The following C11orf65 variants were observed in gnomAD, a reference collection of about 807,000 sequenced individuals.
The protein encoded by C11orf65 is protein MFI.
C11orf65 carries 38 observed loss-of-function variants against 35.3 expected under a neutral mutation model. That is an observed-to-expected ratio of 1.08 (90% confidence interval 0.83 to 1.41). The LOEUF is 1.41. Ranked by LOEUF, C11orf65 falls within the 40% of genes most tolerant of loss-of-function variation. C11orf65 has a pLI of 0.00. For missense variants in C11orf65, 370 were observed against 367.1 expected, an observed-to-expected ratio of 1.01 and a Z score of -0.06; for synonymous variants, 105 against 114.4, an observed-to-expected ratio of 0.92 and a Z score of 0.53.
At chr11:108,316,176 G>C in intron 6 of C11orf65, 2 of 1,422,662 alleles carry the variant, frequency 1.4e-6, no homozygotes, top group Non-Finnish European at 2.0e-6. Flanking sequence ...ATTTCAGTAT[G>C]TTGGTGGATA....
intron 2 of C11orf65, chr11:108,347,173 C>A: frequency 2.2e-6 from 2 of 900,928 alleles, no homozygotes; most frequent in Non-Finnish European, 3.7e-6. Context: ...AAATCCTAAA[C>A]TACTTAAAGA....
chr11:108,454,283 TTTTA>T (rs1433463199), intron 2 of C11orf65, among the ~76,000 whole-genome samples: 1 of 151,626 alleles, frequency 6.6e-6, no homozygotes. Context: ...TCATTTCTGA[TTTTA>T]TTTATTTGAG....
At chr11:108,400,498 C>T (rs977382401) in intron 6 of C11orf65, among the ~76,000 whole-genome samples, 8 of 152,138 alleles carry the variant, frequency 5.3e-5, no homozygotes, top group Admixed American at 4.6e-4. Context: ...GATGTATCTT[C>T]GGGAACAACA....
chr11:108,454,499 T>C (rs892993338), intron 2 of C11orf65, among the ~76,000 whole-genome samples: 5 of 152,184 alleles, frequency 3.3e-5, no homozygotes, highest in Non-Finnish European at 5.9e-5. Flanking sequence ...GGTTTCTCCA[T>C]GTTGGTCAGT....
chr11:108,460,667 T>C (rs544215908), intron 2 of C11orf65, among the ~76,000 whole-genome samples: 10 of 152,190 alleles, frequency 6.6e-5, no homozygotes, highest in Non-Finnish European at 1.3e-4. Flanking sequence ...AGGAACTCAA[T>C]AAATATTTGT....
chr11:108,362,230 A>G (rs2090853922), intron 2 of C11orf65, among the ~76,000 whole-genome samples: 1 of 148,510 alleles, frequency 6.7e-6, no homozygotes, highest in South Asian at 2.2e-4. Flanking sequence ...AGAGAAATGC[A>G]AATCAAAACC....
At chr11:108,330,159 G>T (rs1161989103), downstream of C11orf65, 2 of 1,558,770 alleles carry the variant, frequency 1.3e-6, no homozygotes, top group Non-Finnish European at 1.8e-6. Context: ...GTGTGATTTT[G>T]TAGTTCTGTT....
At chr11:108,444,991 G>A (rs538061817) in intron 2 of C11orf65, among the ~76,000 whole-genome samples, 35 of 152,260 alleles carry the variant, frequency 2.3e-4, no homozygotes, top group South Asian at 4.1e-4. Context: ...CTACGCCCAC[G>A]GAGTCTTGCT....
chr11:108,313,374 A>C (rs2084336186), intron 6 of C11orf65, among the ~76,000 whole-genome samples: 1 of 151,998 alleles, frequency 6.6e-6, no homozygotes, highest in Admixed American at 6.6e-5. Flanking sequence ...CTCACAGACA[A>C]ACTTTGTGAA....
intron 2 of C11orf65, among the ~76,000 whole-genome samples, chr11:108,440,879 G>T (rs4753842): frequency 6.6e-6 from 1 of 151,950 alleles, no homozygotes; most frequent in Non-Finnish European, 1.5e-5. Context: ...CAAATAGGAA[G>T]AGCCCCAGTC....
At chr11:108,414,244 G>C (rs1398019736) in intron 3 of C11orf65, among the ~76,000 whole-genome samples, 2 of 151,748 alleles carry the variant, frequency 1.3e-5, no homozygotes, top group African/African-American at 2.4e-5. Context: ...CTGTCTAATT[G>C]AATACTTTAT....
intron 2 of C11orf65, among the ~76,000 whole-genome samples, chr11:108,436,908 A>C (rs2093067714): frequency 6.6e-6 from 1 of 152,138 alleles, no homozygotes; most frequent in South Asian, 2.1e-4. Flanking sequence ...AAAAGGAAAT[A>C]AATATGCTTT....
At chr11:108,340,222 C>T (rs2087374709) in intron 2 of C11orf65, 2 of 152,034 alleles carry the variant, frequency 1.3e-5, no homozygotes, top group African/African-American at 4.8e-5. Flanking sequence ...CATCATGAAC[C>T]CCCTTGTACT....
intron 7 of C11orf65, among the ~76,000 whole-genome samples, chr11:108,389,534 C>T (rs1004570625): frequency 6.6e-6 from 1 of 152,140 alleles, no homozygotes; most frequent in Non-Finnish European, 1.5e-5. Context: ...AGAAATTATA[C>T]ATAACTTGGA....
chr11:108,407,420 TC>T (rs147773206), intron 3 of C11orf65, among the ~76,000 whole-genome samples: 7,300 of 151,564 alleles, frequency 0.048, 600 homozygotes, highest in African/African-American at 0.17. Context: ...CAAGCGATGC[TC>T]CCATCTCAGC....
chr11:108,418,450 A>G (rs1041990991), intron 3 of C11orf65, among the ~76,000 whole-genome samples: 1 of 152,146 alleles, frequency 6.6e-6, no homozygotes, highest in African/African-American at 2.4e-5. Flanking sequence ...ATTTTAAAAT[A>G]TTTTGAACTG....
At chr11:108,326,197 T>G in intron 6 of C11orf65, 1 of 1,614,074 alleles carries the variant, frequency 6.2e-7, no homozygotes, top group Non-Finnish European at 8.5e-7. Flanking sequence ...AAGCAAATGA[T>G]CAAGAAGTTG....
chr11:108,454,683 C>T (rs1260331106), intron 2 of C11orf65, among the ~76,000 whole-genome samples: 1 of 152,144 alleles, frequency 6.6e-6, no homozygotes, highest in East Asian at 1.9e-4. Flanking sequence ...TGGACTCAAA[C>T]TCTTGGGCTA....
rs201530510 is a variant in C11orf65 at position 108,353,908 on chromosome 11, A to G, written c.227-18616T>C. The G allele has an allele frequency of 1.3e-4, 199 of 1,579,292 alleles. 2 individuals carry two copies. The East Asian group carries it at 4.4e-3, about 35-fold the overall frequency. On this transcript the variant is annotated intron_variant, in intron 2 of 3. Coordinates refer to the C11orf65 transcript ENST00000524755. Reference sequence around the variant, plus strand: ...AAGTGATATGAAGTAAAGGAGGGAAATAATTTTTGATGTCAAAATTACATG... The same window carrying G: ...AAGTGATATGAAGTAAAGGAGGGAAGTAATTTTTGATGTCAAAATTACATG...
Sources: gnomAD v4.1 joint callset for allele counts (sites outside exome capture counted in the v4.1 genomes callset) on GRCh38, gnomAD v4.1.1 for gene constraint, MANE v1.5 for transcripts, NCBI Gene and HGNC (gene_info 2026-07-23, HGNC 2026-07-21) for gene names.